The following CBFA2T3 variants were observed in gnomAD, a reference collection of about 807,000 sequenced individuals.
CBFA2T3 encodes CBFA2/RUNX1 partner transcriptional co-repressor 3, also known as transcriptional corepressor CBFA2T3.
A neutral mutation model predicts 58.6 loss-of-function variants in CBFA2T3; 31 were observed. The ratio of observed to expected loss-of-function variants is 0.53; its 90% CI spans 0.40 to 0.71. CBFA2T3 has a LOEUF of 0.71. CBFA2T3 is among the 30% of genes least tolerant of loss of function. The pLI is 0.00. For synonymous variants in CBFA2T3, 531 were observed against 421.9 expected, an observed-to-expected ratio of 1.26 and a Z score of -3.17; for missense variants, 1,076 against 963.1, an observed-to-expected ratio of 1.12 and a Z score of -1.55.
chr16:88,919,276 G>A (rs7190249), intron 1 of CBFA2T3, among the ~76,000 whole-genome samples: 1,671 of 152,274 alleles, frequency 0.011, 36 homozygotes, highest in African/African-American at 0.038. Flanking sequence ...GGACACAGCA[G>A]TAGGTATAAA....
At chr16:88,950,451 C>T (rs1972036224) in intron 1 of CBFA2T3, 1 of 419,726 alleles carries the variant, frequency 2.4e-6, no homozygotes, top group Non-Finnish European at 4.7e-6. Flanking sequence ...TGGCACCTGT[C>T]TTCCGGATCT....
In CBFA2T3 at chr16:88,877,031, G is replaced by T. The variant is rs1234619127; in HGVS notation, c.1907C>A (p.Pro636His). The change falls in exon 12 of 12, where the codon CCT (proline) becomes CAT (histidine). Residue 636 changes from proline (P) to histidine (H), a missense_variant. Transcript: ENST00000268679. ...ASPSEAGSAG[P>H]SRPGSPSPPG... ...TGGGCTGGGGGAGCCGGGGCGAGAA[G>T]GCCCCGCAGAGCCGGCTTCGCTGGG... The T allele has an allele frequency of 6.7e-7, 1 of 1,496,826 alleles. No homozygotes were observed. Among genetic ancestry groups the T allele is most frequent in the Admixed American group, 2.3e-5 (1 of 43,530 alleles). The allele number at this position is 1,496,826 out of a possible 1,614,324, so 92.7% of individuals were successfully genotyped here.
intron 1 of CBFA2T3, among the ~76,000 whole-genome samples, chr16:88,913,305 G>A (rs971923968): frequency 2.0e-5 from 3 of 152,226 alleles, no homozygotes; most frequent in South Asian, 4.1e-4. Context: ...GCTGACCACG[G>A]ACCAGCCAGC....
At chr16:88,882,832 C>T in intron 7 of CBFA2T3, 71 bp from the exon 8 acceptor site, 1 of 1,045,304 alleles carries the variant, frequency 9.6e-7, no homozygotes, top group Non-Finnish European at 1.4e-6. Context: ...CCAGACCCCG[C>T]CCTCTGCTCC....
intron 11 of CBFA2T3, among the ~76,000 whole-genome samples, chr16:88,878,495 C>T (rs1055115479): frequency 1.2e-4 from 18 of 152,230 alleles, no homozygotes; most frequent in South Asian, 6.2e-4. Context: ...AAAAGGGTCG[C>T]GGAGGGTCCT....
chr16:88,961,564 A>G (rs1481922803), intron 1 of CBFA2T3, among the ~76,000 whole-genome samples: 2 of 136,162 alleles, frequency 1.5e-5, no homozygotes, highest in Non-Finnish European at 3.1e-5. Flanking sequence ...CCCACTCCAT[A>G]GTAACCGACA....
intron 1 of CBFA2T3, among the ~76,000 whole-genome samples, chr16:88,907,514 C>G (rs913287475): frequency 1.3e-5 from 2 of 151,938 alleles, no homozygotes; most frequent in African/African-American, 4.9e-5. Flanking sequence ...TCTGTCCTCA[C>G]GGATTCTTCC....
intron 1 of CBFA2T3, among the ~76,000 whole-genome samples, chr16:88,924,837 T>C (rs1210338790): frequency 1.3e-5 from 2 of 152,218 alleles, no homozygotes; most frequent in Non-Finnish European, 2.9e-5. Flanking sequence ...AGGCGAGTCC[T>C]GCCCACAGCT....
chr16:88,924,771 G>T (rs1383921446), intron 1 of CBFA2T3, among the ~76,000 whole-genome samples: 22 of 152,238 alleles, frequency 1.4e-4, no homozygotes, highest in Non-Finnish European at 2.9e-5. Context: ...AGGCACTGGG[G>T]GCCAAGCAGG....
intron 1 of CBFA2T3, among the ~76,000 whole-genome samples, chr16:88,956,435 C>A (rs1429422672): frequency 6.6e-6 from 1 of 152,240 alleles, no homozygotes; most frequent in Non-Finnish European, 1.5e-5. Flanking sequence ...GACCCTGCTC[C>A]CCCAGGCTCA....
chr16:88,972,922 C>T (rs1458112472), intron 1 of CBFA2T3, among the ~76,000 whole-genome samples: 1 of 152,198 alleles, frequency 6.6e-6, no homozygotes, highest in African/African-American at 2.4e-5. Flanking sequence ...CCTTTGCAGG[C>T]ACCCTTGGGG....
intron 5 of CBFA2T3, among the ~76,000 whole-genome samples, chr16:88,888,578 G>GA (rs1969489850): frequency 2.0e-5 from 1 of 49,002 alleles, no homozygotes. Flanking sequence ...TGGGGTGGGA[G>GA]GGGGTGGGGT....
chr16:88,897,496 C>T (rs8061270), intron 3 of CBFA2T3, among the ~76,000 whole-genome samples: 28,362 of 152,170 alleles, frequency 0.19, 2,763 homozygotes, highest in East Asian at 0.43. Flanking sequence ...CCATGGGCCA[C>T]GCACGTTGAC....
In CBFA2T3 at chr16:88,914,546, C is replaced by T. The variant is rs116523719; in HGVS notation, c.152-12890G>A. On this transcript the variant is annotated intron_variant, in intron 1 of 11. Coordinates refer to ENST00000268679, the MANE Select transcript of CBFA2T3 (RefSeq NM_005187.6). ...AGACCAAAAATGTGATCGTGGTTGC[C>T]GGGCAGGACGCTGTCGCAGCCATCA... 2.0e-3 allele frequency among the ~76,000 whole-genome samples: 307 copies of T among 152,320 alleles called. 1 individual carries two copies. The highest frequency in any genetic ancestry group is 6.8e-3 in the African/African-American group (282 of 41,554).
intron 1 of CBFA2T3, among the ~76,000 whole-genome samples, chr16:88,948,553 G>C (rs1971965327): frequency 6.6e-6 from 1 of 152,220 alleles, no homozygotes; most frequent in African/African-American, 2.4e-5. Flanking sequence ...TAAAGCAGAG[G>C]GAGTCCGGGC....
chr16:88,902,424 C>T (rs959451715), intron 1 of CBFA2T3: 1 of 152,278 alleles, frequency 6.6e-6, no homozygotes, highest in Admixed American at 6.5e-5. Flanking sequence ...GAACAAGATT[C>T]CCTCGTGGTC....
chr16:88,932,857 T>C (rs1971360799), intron 1 of CBFA2T3, among the ~76,000 whole-genome samples: 1 of 132,510 alleles, frequency 7.5e-6, no homozygotes, highest in Non-Finnish European at 1.6e-5. Context: ...TAATCCCAGC[T>C]ACTCAGGAGG....
chr16:88,907,343 C>T (rs1245651425), intron 1 of CBFA2T3, among the ~76,000 whole-genome samples: 1 of 151,208 alleles, frequency 6.6e-6, no homozygotes, highest in Admixed American at 6.6e-5. Context: ...CTCCCTGGCT[C>T]AGAACAGCAC....
intron 1 of CBFA2T3, among the ~76,000 whole-genome samples, chr16:88,966,428 G>A (rs1452104533): frequency 6.6e-6 from 1 of 151,724 alleles, no homozygotes; most frequent in Non-Finnish European, 1.5e-5. Context: ...TCTCCCACCT[G>A]TGCAGCATGG....
Sources: allele counts gnomAD v4.1 joint callset (sites outside exome capture counted in the v4.1 genomes callset), GRCh38; gene constraint gnomAD v4.1.1; transcripts MANE v1.5; gene names NCBI Gene and HGNC (gene_info 2026-07-23, HGNC 2026-07-21).